Variants in NEK7 observed in about 807,000 individuals in gnomAD.
The protein encoded by NEK7 is serine/threonine-protein kinase Nek7.
In NEK7, 18 loss-of-function variants were observed where a neutral mutation model predicts 44.6. That is an observed-to-expected ratio of 0.40 (90% CI 0.28 to 0.60). NEK7 has a LOEUF of 0.60. Among genes scored for constraint, NEK7 ranks in the 20% least tolerant of loss-of-function variants. NEK7 has a pLI of 0.38. For missense variants in NEK7, 256 were observed against 366.5 expected (o/e 0.70, Z 2.46); for synonymous variants, 130 against 121.1 (o/e 1.07, Z -0.48).
At position 198,242,407 on chromosome 1, in the gene NEK7, T is replaced by C. The variant is rs549750815; in HGVS notation, c.57+9770T>C. Among the ~76,000 whole-genome samples the C allele has an allele frequency of 9.7e-3, 1,476 of 151,666 alleles. 27 individuals carry two copies. The highest frequency in any genetic ancestry group is 0.034 in the African/African-American group (1,418 of 41,316). The stretch of plus-strand genomic sequence containing the variant: ...CCTCTTTTTCTTTCTTTTTCTTTTT[T>C]TTTTTTTTGAGATAAGGTCTCACTC... On this transcript the variant is annotated intron_variant, in intron 2 of 9. Transcript: ENST00000367385.
At position 198,197,938 on chromosome 1, in the gene NEK7, C is replaced by CACAAGGGATTCA; in HGVS notation, c.-28-34615_-28-34614insACAAGGGATTCA. On this transcript the variant is annotated intron_variant, in intron 1 of 9. Transcript: ENST00000367385. ...GAGCCAAGGGATTCACAGGAGGCAT[C>CACAAGGGATTCA]CAGGGGCAGGTGGTGGGTATGGAGG... 2.7e-6 allele frequency: 4 copies of CACAAGGGATTCA among 1,502,876 alleles called. No homozygotes were observed. The South Asian group carries it at 3.6e-5, about 14-fold the overall frequency. 93.1% of individuals were successfully genotyped at this position (1,502,876 alleles called of 1,614,324 possible). A position where few individuals can be genotyped will look rare whatever the true frequency, so the allele number is the denominator to read the frequency against.
rs1376063083 is a variant in NEK7 at position 198,319,449 on chromosome 1, C to T, written c.836C>T (p.Pro279Leu). Residue 279 changes from proline (P) to leucine (L), a missense_variant, in exon 10 of 10, where the codon CCA becomes CTA. Physicochemically the swap from Pro to Leu is moderately conservative, Grantham distance 98. This residue lies in a region of NEK7 where 58 missense variants were observed against 66.5 expected (regional missense o/e 0.87). Transcript: ENST00000367385. ...QLVNMCINPD[P>L]EKRPDVTYVY... ...GTTAATATGTGCATCAACCCAGATC[C>T]AGAGAAGCGACCAGACGTCACCTAT... is the stretch of plus-strand genomic sequence containing the variant. The T allele has an allele frequency of 9.3e-6, 15 of 1,613,100 alleles. No individual in the cohort carries two copies. The highest frequency in any genetic ancestry group is 2.7e-5 in the African/African-American group (2 of 74,890).
chr1:198,239,670 A>G (rs1296126612), intron 2 of NEK7, among the ~76,000 whole-genome samples: 1 of 152,004 alleles, frequency 6.6e-6, no homozygotes, highest in Non-Finnish European at 1.5e-5. Flanking sequence ...ATACTAGATA[A>G]AGGGTAATCA....
intron 3 of NEK7, among the ~76,000 whole-genome samples, chr1:198,258,154 G>C (rs1227323504): frequency 6.6e-6 from 1 of 152,084 alleles, no homozygotes; most frequent in African/African-American, 2.4e-5. Context: ...GGTTCCAGCT[G>C]TAGAGCCGGG....
rs993227455 is a variant in NEK7, at chr1:198,244,564, G to A, written c.58-8476G>A. Among the ~76,000 whole-genome samples the A allele has an allele frequency of 1.2e-4, 18 of 152,068 alleles. 1 individual carries two copies. The highest frequency in any genetic ancestry group is 9.2e-4 in the Admixed American group (14 of 15,264). The stretch of plus-strand genomic sequence containing the variant: ...AAGCTCAGTAAACACAGACTGATAC[G>A]TAGAAGTTAATCCCAATTAGTTAGT... On this transcript the variant is annotated intron_variant, in intron 2 of 9. Coordinates refer to ENST00000367385, the MANE Select transcript of NEK7 (RefSeq NM_133494.3).
chr1:198,279,248 T>G (rs1034778416), intron 7 of NEK7, among the ~76,000 whole-genome samples, 187 bp downstream of exon 7: 1 of 151,912 alleles, frequency 6.6e-6, no homozygotes, highest in African/African-American at 2.4e-5. Context: ...AGTTGGATAC[T>G]TCTGTTAACT....
intron 1 of NEK7, among the ~76,000 whole-genome samples, chr1:198,229,611 T>G (rs958880008): frequency 6.6e-5 from 10 of 152,188 alleles, no homozygotes; most frequent in Non-Finnish European, 1.3e-4. Flanking sequence ...ACTGCAGAAC[T>G]GATTATTTGC....
At chr1:198,158,256 C>T (rs1420673235) in intron 1 of NEK7, among the ~76,000 whole-genome samples, 3 of 152,174 alleles carry the variant, frequency 2.0e-5, no homozygotes, top group African/African-American at 7.2e-5. Context: ...ATTCTGGTGA[C>T]TGAACTGAAA....
chr1:198,315,204 GC>G (rs1469104123), intron 9 of NEK7, among the ~76,000 whole-genome samples: 2 of 152,174 alleles, frequency 1.3e-5, no homozygotes, highest in African/African-American at 2.4e-5. Context: ...TTTTCCAGGT[GC>G]CGTCTGTCAC....
intron 1 of NEK7, among the ~76,000 whole-genome samples, chr1:198,184,499 T>A (rs181350772): frequency 7.0e-4 from 107 of 152,280 alleles, no homozygotes; most frequent in Non-Finnish European, 1.3e-3. Context: ...TTTTTCTAGA[T>A]CATTCAAAGA....
intron 2 of NEK7, among the ~76,000 whole-genome samples, chr1:198,233,263 T>C (rs1163998601): frequency 2.0e-5 from 3 of 152,134 alleles, no homozygotes; most frequent in Non-Finnish European, 2.9e-5. Flanking sequence ...TTTGCTTGTT[T>C]CTTGTATTTA....
At chr1:198,281,648 A>G (rs1390953686) in intron 7 of NEK7, among the ~76,000 whole-genome samples, 1 of 152,070 alleles carries the variant, frequency 6.6e-6, no homozygotes, top group East Asian at 1.9e-4. Flanking sequence ...TTATGCATTT[A>G]TATTTTCAAA....
At chr1:198,161,136 A>C (rs1391555369) in intron 1 of NEK7, among the ~76,000 whole-genome samples, 1 of 152,258 alleles carries the variant, frequency 6.6e-6, no homozygotes, top group Non-Finnish European at 1.5e-5. Flanking sequence ...TAAATGAATA[A>C]AACTGATTTT....
At chr1:198,319,163 A>G (rs1055013638) in intron 9 of NEK7, among the ~76,000 whole-genome samples, 21 of 152,174 alleles carry the variant, frequency 1.4e-4, no homozygotes, top group African/African-American at 5.1e-4. Context: ...AGTCCATTTT[A>G]AAGCCTCTGA....
intron 1 of NEK7, among the ~76,000 whole-genome samples, chr1:198,168,317 C>CCAA (rs1375093718): frequency 1.2e-4 from 19 of 152,230 alleles, no homozygotes; most frequent in African/African-American, 4.6e-4. Flanking sequence ...TAATGATGTA[C>CCAA]CAACGGTATC....
Position 198,292,112 on chromosome 1 carries a change from A to G in NEK7, c.590-833A>G, listed in dbSNP as rs116007272. ...AAAGCCTTAGACTAATGATGATGAA[A>G]TAGCCATCTGAGTTTGAAATTAAAG... On this transcript the variant is annotated intron_variant, in intron 7 of 9. Coordinates refer to ENST00000367385, the MANE Select transcript of NEK7 (RefSeq NM_133494.3). Among the ~76,000 whole-genome samples, 920 of 152,206 alleles carry G rather than the reference A, an allele frequency of 6.0e-3. 7 individuals carry two copies. Among genetic ancestry groups the G allele is most frequent in the Middle Eastern group, 0.017 (5 of 294 alleles).
intron 2 of NEK7, among the ~76,000 whole-genome samples, chr1:198,235,973 C>G (rs746031560): frequency 6.6e-6 from 1 of 152,026 alleles, no homozygotes; most frequent in Admixed American, 6.6e-5. Flanking sequence ...GGTAGACTGA[C>G]CATTCCTTTA....
intron 2 of NEK7, among the ~76,000 whole-genome samples, chr1:198,252,479 A>G (rs1216378768): frequency 1.4e-5 from 2 of 138,706 alleles, no homozygotes; most frequent in East Asian, 4.4e-4. Flanking sequence ...CCTATGTTGT[A>G]TCCTTCTTCC....
chr1:198,302,091 T>C (rs55686707), intron 9 of NEK7, among the ~76,000 whole-genome samples: 6,696 of 152,250 alleles, frequency 0.044, 230 homozygotes, highest in Middle Eastern at 0.065. Flanking sequence ...CTCTTTTGTT[T>C]CACCTTAAAT....
Sources: gnomAD v4.1 joint callset for allele counts (sites outside exome capture counted in the v4.1 genomes callset) on GRCh38, gnomAD v4.1.1 for gene constraint, gnomAD v4.1.1 regional missense constraint, MANE v1.5 for transcripts, NCBI Gene and HGNC (gene_info 2026-07-23, HGNC 2026-07-21) for gene names.